PKN2: variants seen among roughly 807,000 people sequenced by gnomAD.
PKN2 encodes the protein serine/threonine-protein kinase N2.
A neutral mutation model predicts 119.1 loss-of-function variants in PKN2; 38 were observed. The observed-to-expected ratio is 0.32, with a 90% CI of 0.25 to 0.42. The LOEUF (loss-of-function observed/expected upper bound fraction) is 0.42, where lower values mean the gene tolerates loss of function less well. Among genes scored for constraint, PKN2 ranks in the 10% least tolerant of loss-of-function variants. The pLI, the probability that PKN2 is intolerant of heterozygous loss-of-function variation, is 1.00. For synonymous variants in PKN2, 390 were observed against 384.9 expected (o/e 1.01, Z -0.15); for missense variants, 850 against 1,165.1 (o/e 0.73, Z 3.94).
chr1:88,802,223 A>G (rs558109626), intron 8 of PKN2, among the ~76,000 whole-genome samples: 1 of 152,346 alleles, frequency 6.6e-6, no homozygotes, highest in African/African-American at 2.4e-5. Context: ...TCTACTTTCT[A>G]CATAAAACTT....
chr1:88,746,257 AATAG>A (rs927276379), intron 2 of PKN2, among the ~76,000 whole-genome samples: 5 of 152,292 alleles, frequency 3.3e-5, no homozygotes, highest in Non-Finnish European at 5.9e-5. Flanking sequence ...CAAAAGCAAA[AATAG>A]ATAGATGGGT....
At chr1:88,770,636 A>C (rs974273234) in intron 4 of PKN2, among the ~76,000 whole-genome samples, 167 bp downstream of exon 4, 6 of 142,612 alleles carry the variant, frequency 4.2e-5, no homozygotes, top group Non-Finnish European at 9.0e-5. Context: ...CCCAGGCTGG[A>C]GTGCAGTGGC....
intron 2 of PKN2, among the ~76,000 whole-genome samples, chr1:88,745,642 A>G (rs1408589717): frequency 2.6e-5 from 4 of 152,182 alleles, no homozygotes; most frequent in Admixed American, 6.5e-5. Context: ...AAGACTTAAT[A>G]TTGTTAAAAT....
At chr1:88,725,282 A>G (rs1667852364) in intron 1 of PKN2, among the ~76,000 whole-genome samples, 1 of 152,160 alleles carries the variant, frequency 6.6e-6, no homozygotes, top group Non-Finnish European at 1.5e-5. Context: ...TTAGATATAT[A>G]CAGTATTTAA....
At chr1:88,757,446 A>G (rs547537956) in intron 2 of PKN2, among the ~76,000 whole-genome samples, 1 of 152,322 alleles carries the variant, frequency 6.6e-6, no homozygotes, top group South Asian at 2.1e-4. Context: ...TAGATTAATT[A>G]ACAAATTATA....
chr1:88,772,057 T>G (rs911211341), intron 6 of PKN2, among the ~76,000 whole-genome samples, 178 bp downstream of exon 6: 6 of 152,240 alleles, frequency 3.9e-5, no homozygotes, highest in Non-Finnish European at 7.3e-5. Flanking sequence ...TTTGCTATAT[T>G]CACAATATTG....
intron 1 of PKN2, among the ~76,000 whole-genome samples, chr1:88,733,916 TG>T (rs199757545): frequency 1.3e-5 from 2 of 152,074 alleles, no homozygotes; most frequent in African/African-American, 4.8e-5. Flanking sequence ...CCCAACAATT[TG>T]GGGGGGTCAA....
chr1:88,697,431 G>A, intron 1 of PKN2, among the ~76,000 whole-genome samples: 1 of 152,128 alleles, frequency 6.6e-6, no homozygotes, highest in Non-Finnish European at 1.5e-5. Flanking sequence ...TGTTGCTTCA[G>A]TCTCTTCAGT....
chr1:88,770,307 T>C, intron 3 of PKN2, 45 bp from the exon 4 acceptor site: 1 of 1,119,624 alleles, frequency 8.9e-7, no homozygotes, highest in Non-Finnish European at 1.4e-6. Flanking sequence ...AATGTTTCAT[T>C]TTTCCCTTTA....
intron 2 of PKN2, among the ~76,000 whole-genome samples, chr1:88,744,625 T>G (rs1668700882): frequency 6.6e-6 from 1 of 152,192 alleles, no homozygotes; most frequent in Admixed American, 6.5e-5. Flanking sequence ...TTTCATCACA[T>G]TGGCCAGGAT....
intron 1 of PKN2, among the ~76,000 whole-genome samples, chr1:88,689,282 C>T (rs970853055): frequency 4.6e-5 from 7 of 152,158 alleles, no homozygotes; most frequent in Non-Finnish European, 1.5e-5. Flanking sequence ...GACTGACAGA[C>T]TTTTTCCACC....
intron 8 of PKN2, among the ~76,000 whole-genome samples, chr1:88,796,956 A>G (rs899478708): frequency 6.6e-6 from 1 of 151,292 alleles, no homozygotes; most frequent in Admixed American, 6.6e-5. Context: ...CAGCATACCC[A>G]AAGAATACAA....
Position 88,786,116 on chromosome 1 carries a change from C to T in PKN2, c.1184C>T (p.Ala395Val). The T allele has an allele frequency of 1.9e-6, 3 of 1,603,318 alleles. No individual in the cohort carries two copies. The highest frequency in any genetic ancestry group is 2.6e-6 in the Non-Finnish European group (3 of 1,170,624). Residue 395 changes from alanine to valine, a missense_variant, in exon 8 of 22, where the codon GCT becomes GTT. Physicochemically the swap from Ala to Val is moderately conservative, Grantham distance 64 (BLOSUM62 0). Around this residue, in one of 9 missense-constraint regions of PKN2, gnomAD observed 350 missense variants for 511.1 expected, o/e 0.68. Transcript: ENST00000370521. ...ATTTTAATTACAGATGATGTCTGTG[C>T]TGTTTTGAAGCTCGATAATACTGTG... is the stretch of plus-strand genomic sequence containing the variant. Reference protein sequence around the residue: ...KTDDLSNDVCAVLKLDNTVVG... With the variant: ...KTDDLSNDVCVVLKLDNTVVG...
chr1:88,804,653 G>A, intron 9 of PKN2, 119 bp downstream of exon 9: 2 of 989,172 alleles, frequency 2.0e-6, no homozygotes, highest in Non-Finnish European at 3.1e-6. Context: ...GTTCTTGGCT[G>A]AGCTATGCCA....
At chr1:88,775,224 A>G (rs1300871422) in intron 6 of PKN2, among the ~76,000 whole-genome samples, 2 of 152,154 alleles carry the variant, frequency 1.3e-5, no homozygotes, top group African/African-American at 4.8e-5. Flanking sequence ...TTGGCCTCCC[A>G]AAGTGCTAGG....
chr1:88,742,283 T>C lies in PKN2; in HGVS notation c.349+995T>C, dbSNP rs1477566425. ...GTAATTTTAATTTTGATTAAGAAAA[T>C]ACATAAATTTGGCTAAGAACCTTAA... is the stretch of plus-strand genomic sequence containing the variant. On this transcript the variant is annotated intron_variant, in intron 2 of 21. Coordinates refer to ENST00000370521, the MANE Select transcript of PKN2 (RefSeq NM_006256.4). Among the ~76,000 whole-genome samples the C allele has an allele frequency of 2.6e-5, 4 of 152,144 alleles. No individual in the cohort carries two copies. In the East Asian group the frequency reaches 7.7e-4, roughly 29 times the overall value.
chr1:88,830,670 T>C (rs577409566), intron 19 of PKN2, among the ~76,000 whole-genome samples: 1 of 152,106 alleles, frequency 6.6e-6, no homozygotes, highest in African/African-American at 2.4e-5. Flanking sequence ...CACTGGAGGG[T>C]TTGGCAGAAA....
chr1:88,689,904 C>T (rs1666260265), intron 1 of PKN2, among the ~76,000 whole-genome samples: 2 of 152,086 alleles, frequency 1.3e-5, no homozygotes, highest in African/African-American at 2.4e-5. Context: ...TGTGTTTTTC[C>T]GGCTTAGGTT....
In PKN2 at chr1:88,760,672, A is replaced by T. The variant is rs942198872; in HGVS notation, c.504+296A>T. Reference sequence around the variant, plus strand: ...TTTTTTTTCACATTTTTGTGCTTTTAATTGGTAATTTCACTGTTTAAACAC... The same window carrying T: ...TTTTTTTTCACATTTTTGTGCTTTTTATTGGTAATTTCACTGTTTAAACAC... On this transcript the variant is annotated intron_variant, in intron 3 of 21. Transcript: ENST00000370521. Among the ~76,000 whole-genome samples, 11 of 152,072 alleles carry T rather than the reference A, an allele frequency of 7.2e-5. No homozygotes were observed. The South Asian group carries it at 2.3e-3, about 32-fold the overall frequency.
Sources: allele counts gnomAD v4.1 joint callset (sites outside exome capture counted in the v4.1 genomes callset), GRCh38; gene constraint gnomAD v4.1.1; regional missense constraint gnomAD v4.1.1; transcripts MANE v1.5; gene names NCBI Gene and HGNC (gene_info 2026-07-23, HGNC 2026-07-21).